DCAF6: variants seen among roughly 807,000 people sequenced by gnomAD.
DCAF6 encodes the protein DDB1- and CUL4-associated factor 6.
DCAF6 carries 54 observed loss-of-function variants against 125.1 expected under a neutral mutation model. The observed-to-expected ratio is 0.43, with a 90% confidence interval of 0.35 to 0.54. The LOEUF (loss-of-function observed/expected upper bound fraction) is 0.54. Among genes scored for constraint, DCAF6 ranks in the 20% least tolerant of loss-of-function variants. DCAF6 has a pLI of 0.01. For synonymous variants in DCAF6, 371 were observed against 390.4 expected, an observed-to-expected ratio of 0.95 and a Z score of 0.58; for missense variants, 934 against 1,161.7, an observed-to-expected ratio of 0.80 and a Z score of 2.85.
the DCAF6 span, among the ~76,000 whole-genome samples, chr1:167,923,425 A>G: frequency 1.3e-5 from 2 of 150,800 alleles, no homozygotes; most frequent in Admixed American, 6.6e-5. Flanking sequence ...ACATTATGCT[A>G]GGGGAAATAA....
At chr1:167,977,362 C>T (rs1044575344) in intron 4 of DCAF6, among the ~76,000 whole-genome samples, 3 of 150,728 alleles carry the variant, frequency 2.0e-5, no homozygotes, top group Admixed American at 6.6e-5. Context: ...GATAGTTTTG[C>T]TGGGCATGGA....
intron 5 of DCAF6, 24 bp from the exon 6 acceptor site, chr1:167,991,180 T>C: frequency 6.3e-7 from 1 of 1,588,850 alleles, no homozygotes; most frequent in South Asian, 1.1e-5. Context: ...CTATATGTAA[T>C]TGGTATTATG....
the DCAF6 span, among the ~76,000 whole-genome samples, chr1:167,923,152 A>G: frequency 5.9e-5 from 9 of 152,314 alleles, no homozygotes; most frequent in African/African-American, 1.9e-4. Flanking sequence ...AACAAAAAAT[A>G]TTAAGCAGAA....
chr1:168,034,577 C>T (rs1185418673), intron 12 of DCAF6, among the ~76,000 whole-genome samples: 1 of 152,128 alleles, frequency 6.6e-6, no homozygotes, highest in East Asian at 1.9e-4. Flanking sequence ...GTTTTCAGTT[C>T]ATCATCTGTA....
At chr1:168,071,872 A>G (rs749439776) in intron 21 of DCAF6, among the ~76,000 whole-genome samples, 18 of 152,270 alleles carry the variant, frequency 1.2e-4, no homozygotes, top group Middle Eastern at 3.4e-3. Flanking sequence ...CATTTTAGCC[A>G]TACTGGCCTC....
chr1:167,896,620 A>G, the DCAF6 span: 1 of 1,613,506 alleles, frequency 6.2e-7, no homozygotes. Flanking sequence ...AAGGATAATA[A>G]TGCATGAAGG....
chr1:167,891,439 G>T, the DCAF6 span, among the ~76,000 whole-genome samples: 1 of 151,534 alleles, frequency 6.6e-6, no homozygotes, highest in Non-Finnish European at 1.5e-5. Flanking sequence ...GGAAGATCAC[G>T]AGGTCAGGAG....
chr1:167,978,578 TATTA>T (rs370571548), intron 4 of DCAF6, among the ~76,000 whole-genome samples: 230 of 152,266 alleles, frequency 1.5e-3, no homozygotes, highest in African/African-American at 5.3e-3. Flanking sequence ...ATTTTGTTAT[TATTA>T]ATTTATAGGA....
chr1:167,943,130 C>G (rs1457746599), intron 1 of DCAF6, among the ~76,000 whole-genome samples: 5 of 152,156 alleles, frequency 3.3e-5, no homozygotes, highest in Non-Finnish European at 5.9e-5. Flanking sequence ...AGGATGGTCT[C>G]GATCTCCTGA....
chr1:167,920,392 C>T, the DCAF6 span, among the ~76,000 whole-genome samples: 5 of 152,208 alleles, frequency 3.3e-5, no homozygotes, highest in Admixed American at 1.3e-4. Flanking sequence ...TGTGACTCCT[C>T]CATCCATAAC....
the DCAF6 span, among the ~76,000 whole-genome samples, chr1:167,905,512 A>G: frequency 1.3e-5 from 2 of 151,968 alleles, no homozygotes; most frequent in Non-Finnish European, 2.9e-5. Context: ...GTTAAGCTCT[A>G]TTCACTCAGG....
At position 167,955,363 on chromosome 1, in the gene DCAF6, G is replaced by A. The variant is rs114573675; in HGVS notation, c.159+3502G>A. Among the ~76,000 whole-genome samples, 318 of 152,042 alleles carry A rather than the reference G, an allele frequency of 2.1e-3. 2 individuals carry two copies. Among genetic ancestry groups the A allele is most frequent in the African/African-American group, 7.2e-3 (297 of 41,468 alleles). On this transcript the variant is annotated intron_variant, in intron 2 of 21. Transcript: ENST00000367840. ...AAGAAACCAGTTGTTTTCCAGTATC[G>A]TTGTACCGTTTAACATTCCCAGTGT... is the stretch of plus-strand genomic sequence containing the variant.
the DCAF6 span, among the ~76,000 whole-genome samples, chr1:167,869,449 C>T: frequency 6.6e-6 from 1 of 152,126 alleles, no homozygotes; most frequent in Non-Finnish European, 1.5e-5. Flanking sequence ...GAGACCCTCT[C>T]ATATTGTTTT....
chr1:168,024,786 A>G (rs1159508340), intron 12 of DCAF6, among the ~76,000 whole-genome samples: 1 of 150,798 alleles, frequency 6.6e-6, no homozygotes, highest in African/African-American at 2.5e-5. Flanking sequence ...CCTGGGCAGC[A>G]GAGTGAGACT....
chr1:168,010,072 A>G (rs1684071748), intron 10 of DCAF6, among the ~76,000 whole-genome samples: 1 of 152,154 alleles, frequency 6.6e-6, no homozygotes, highest in African/African-American at 2.4e-5. Context: ...GGCTGTTTCC[A>G]TTAAGTTTCC....
At chr1:167,904,819 A>G in the DCAF6 span, 4 of 787,630 alleles carry the variant, frequency 5.1e-6, no homozygotes, top group East Asian at 1.1e-4. Flanking sequence ...AGGATGAGAG[A>G]GAGCCAGGGC....
intron 5 of DCAF6, among the ~76,000 whole-genome samples, chr1:167,988,785 T>A (rs988700485): frequency 6.6e-6 from 1 of 151,984 alleles, no homozygotes. Context: ...AAAGTAGAAA[T>A]TGAAAAACCT....
chr1:167,965,400 C>T (rs986354395), intron 2 of DCAF6, among the ~76,000 whole-genome samples: 1 of 152,138 alleles, frequency 6.6e-6, no homozygotes, highest in Non-Finnish European at 1.5e-5. Context: ...CTAATAAAAC[C>T]TCAGTGGGTA....
At chr1:167,947,160 A>AT (rs1673201596) in intron 1 of DCAF6, among the ~76,000 whole-genome samples, 1 of 152,064 alleles carries the variant, frequency 6.6e-6, no homozygotes, top group African/African-American at 2.4e-5. Flanking sequence ...GTTTATGAGT[A>AT]TATAGTTCAT....
Sources: gnomAD v4.1 joint callset for allele counts (sites outside exome capture counted in the v4.1 genomes callset) on GRCh38, gnomAD v4.1.1 for gene constraint, MANE v1.5 for transcripts, NCBI Gene and HGNC (gene_info 2026-07-23, HGNC 2026-07-21) for gene names.